The following FSIP2 variants were observed in gnomAD, a reference collection of about 807,000 sequenced individuals.
FSIP2 encodes fibrous sheath interacting protein 2, also known as fibrous sheath-interacting protein 2.
FSIP2 carries 367 observed loss-of-function variants against 510.5 expected under a neutral mutation model. That is an observed-to-expected ratio of 0.72 (90% CI 0.66 to 0.78). The LOEUF is 0.78. Ranked by LOEUF, FSIP2 falls within the 30% of genes least tolerant of loss-of-function variation. The pLI is 0.00. For missense variants in FSIP2, 7,594 were observed against 7,901.7 expected, an observed-to-expected ratio of 0.96 and a Z score of 1.48; for synonymous variants, 2,601 against 2,732.2, an observed-to-expected ratio of 0.95 and a Z score of 1.50.
chr2:185,786,103 G>A lies in FSIP2; in HGVS notation c.1470-149G>A, dbSNP rs1692966921. On this transcript the variant is annotated intron_variant, in intron 14 of 22. Coordinates refer to ENST00000424728, the MANE Select transcript of FSIP2 (RefSeq NM_173651.4). ...TCTAAGGAGGAAGTGAAATAGGGGG[G>A]TTGGAAAAAACAGTGTATTCTTCAT... 6.9e-6 allele frequency: 4 copies of A among 581,536 alleles called. No individual in the cohort carries two copies. In the East Asian group the frequency reaches 1.1e-4, roughly 16 times the overall value. 36.0% of individuals were successfully genotyped at this position (581,536 alleles called of 1,614,324 possible). A position where few individuals can be genotyped will look rare whatever the true frequency, so the allele number is the denominator to read the frequency against.
rs749817528 is a variant in FSIP2 at position 185,791,501 on chromosome 2, G to A, written c.4365G>A (p.Gln1455=). The change falls in exon 16 of 23, where the codon CAG becomes CAA. Residue 1455 remains glutamine (Q), a synonymous_variant. Coordinates refer to ENST00000424728, the MANE Select transcript of FSIP2 (RefSeq NM_173651.4). ...TCCTGGGGACCCATCTTCATTCTCA[G>A]CTATCTTGTAGTCAACAAAGCAGAG... The part of the protein sequence containing the change: ...SKLLGTHLHS[Q]LSCSQQSREM... The A allele has an allele frequency of 5.9e-6, 9 of 1,534,358 alleles. No individual in the cohort carries two copies. The highest frequency in any genetic ancestry group is 7.9e-6 in the Non-Finnish European group (9 of 1,145,686).
rs1409840406 is a variant in FSIP2, at chr2:185,746,772, A to C, written c.721A>C (p.Thr241Pro). Residue 241 changes from threonine (T) to proline (P), a missense_variant, in exon 6 of 23, where the codon ACA becomes CCA. Thr to Pro is a conservative substitution (Grantham distance 38). Coordinates refer to ENST00000424728, the MANE Select transcript of FSIP2 (RefSeq NM_173651.4). ...DREERRQREH[T>P]RRKLTLRRKI... ...AGAAGAAAGACGACAGCGGGAACAC[A>C]CAAGAAGAAAACTTACTCTTCGTAG... is the stretch of plus-strand genomic sequence containing the variant. 6.5e-7 allele frequency: 1 copy of C among 1,528,272 alleles called. No individual in the cohort carries two copies. Among genetic ancestry groups the C allele is most frequent in the East Asian group, 2.4e-5 (1 of 40,872 alleles). The allele number at this position is 1,528,272 out of a possible 1,614,324, so 94.7% of individuals were successfully genotyped here.
In FSIP2 at chr2:185,808,797, TAATGTGATTCCTGAATTAGAGC is replaced by T; in HGVS notation, c.19494_19515del (p.Asn6498LysfsTer4). On this transcript the variant is annotated frameshift_variant, in exon 17 of 23. Coordinates refer to ENST00000424728, the MANE Select transcript of FSIP2 (RefSeq NM_173651.4). LOFTEE classifies it high-confidence loss of function. ...TTCAAAAGGCCCAAGAACATGCTTTTAATGTGATTCCTGAATTAGAGCAAGAAAAGTTAGATCAAAATTTATC... is the reference window on the plus strand; with the variant it reads ...TTCAAAAGGCCCAAGAACATGCTTTTAAGAAAAGTTAGATCAAAATTTATC... 1 of 1,612,810 alleles carries T rather than the reference TAATGTGATTCCTGAATTAGAGC, an allele frequency of 6.2e-7. No homozygotes were observed.
chr2:185,801,886 A>G lies in FSIP2; in HGVS notation c.12580A>G (p.Ile4194Val). 1 of 1,493,902 alleles carries G rather than the reference A, an allele frequency of 6.7e-7. No individual in the cohort carries two copies. The highest frequency in any genetic ancestry group is 8.9e-7 in the Non-Finnish European group (1 of 1,121,454). The allele number at this position is 1,493,902 out of a possible 1,614,324, so 92.5% of individuals were successfully genotyped here. Residue 4194 changes from isoleucine to valine, a missense_variant, in exon 17 of 23, where the codon ATC becomes GTC. Ile to Val is a conservative substitution (Grantham distance 29, BLOSUM62 3). Coordinates refer to ENST00000424728, the MANE Select transcript of FSIP2 (RefSeq NM_173651.4). ...TATGTCAGCCATTTCAAAACATAAA[A>G]TCTGGTTCACTATATATGATAATCA... ...KVMSAISKHK[I>V]WFTIYDNQYL...
chr2:185,813,877 G>T lies in FSIP2; in HGVS notation c.20160G>T (p.Gln6720His). The T allele has an allele frequency of 6.2e-7, 1 of 1,613,732 alleles. No homozygotes were observed. The highest frequency in any genetic ancestry group is 1.1e-5 in the South Asian group (1 of 91,064). ...KKFLSLSKCC[Q>H]TTASANIEST... ...TTTTGTCACTAAGTAAATGTTGTCAGACCACAGCCAGTGCAAATATTGAAA... is the reference window on the plus strand; with the variant it reads ...TTTTGTCACTAAGTAAATGTTGTCATACCACAGCCAGTGCAAATATTGAAA... The change falls in exon 18 of 23, where the codon CAG becomes CAT. Residue 6720 changes from glutamine (Q) to histidine (H), a missense_variant. Coordinates refer to ENST00000424728, the MANE Select transcript of FSIP2 (RefSeq NM_173651.4).
In FSIP2 at chr2:185,790,048, A is replaced by C. The variant is rs1435012502; in HGVS notation, c.2912A>C (p.Lys971Thr). 5 of 1,533,458 alleles carry C rather than the reference A, an allele frequency of 3.3e-6. No homozygotes were observed. The highest frequency in any genetic ancestry group is 4.4e-6 in the Non-Finnish European group (5 of 1,145,358). The allele number at this position is 1,533,458 out of a possible 1,614,324, so 95.0% of individuals were successfully genotyped here. A position where few individuals can be genotyped will look rare whatever the true frequency, so the allele number is the denominator to read the frequency against. The change falls in exon 16 of 23, where the codon AAG becomes ACG. Residue 971 changes from lysine to threonine, a missense_variant. By Grantham distance (78) the Lys-to-Thr change is moderately conservative (BLOSUM62 -1). Transcript: ENST00000424728. ...RISSPSDTKE[K>T]YRLTGTRLSN... ...AGTAGTCCTTCTGACACCAAAGAAA[A>C]GTACAGACTCACTGGCACTAGATTA...
chr2:185,801,845 G>A lies in FSIP2; in HGVS notation c.12539G>A (p.Cys4180Tyr). 3 of 1,485,222 alleles carry A rather than the reference G, an allele frequency of 2.0e-6. No individual in the cohort carries two copies. The highest frequency in any genetic ancestry group is 2.7e-6 in the Non-Finnish European group (3 of 1,120,724). The allele number at this position is 1,485,222 out of a possible 1,614,324, so 92.0% of individuals were successfully genotyped here. A position where few individuals can be genotyped will look rare whatever the true frequency, so the allele number is the denominator to read the frequency against. The change falls in exon 17 of 23, where the codon TGT (cysteine) becomes TAT (tyrosine). Residue 4180 changes from cysteine (C) to tyrosine (Y), a missense_variant. Cys to Tyr is a radical substitution (Grantham distance 194). Coordinates refer to ENST00000424728, the MANE Select transcript of FSIP2 (RefSeq NM_173651.4). ...TCTGATTTTAATGAAATGTCCACTT[G>A]TATAATAAATAAGGTTATGTCAGCC... Reference protein sequence around the residue: ...MSSDFNEMSTCIINKVMSAIS... With the variant: ...MSSDFNEMSTYIINKVMSAIS...
intron 13 of FSIP2, among the ~76,000 whole-genome samples, chr2:185,768,028 CTTG>C (rs1314597734): frequency 2.6e-5 from 4 of 152,014 alleles, no homozygotes; most frequent in Admixed American, 1.3e-4. Context: ...CTTGCCAATA[CTTG>C]TTGTCTTTTA....
chr2:185,743,174 T>TTGTC lies in FSIP2; in HGVS notation c.268_271dup (p.Arg91LeufsTer9). The TTGTC allele has an allele frequency of 6.5e-7, 1 of 1,527,632 alleles. No homozygotes were observed. The highest frequency in any genetic ancestry group is 8.7e-7 in the Non-Finnish European group (1 of 1,143,870). 94.6% of individuals were successfully genotyped at this position (1,527,632 alleles called of 1,614,324 possible). On this transcript the variant is annotated frameshift_variant, in exon 3 of 23. Transcript: ENST00000424728. LOFTEE classifies it high-confidence loss of function. ...ATGGTTTTAACCTGACTGATCCCTA[T>TTGTC]TGTCGACTTTTGGAAAACCAATATA...
intron 13 of FSIP2, among the ~76,000 whole-genome samples, chr2:185,774,164 C>G (rs1692669278): frequency 1.3e-5 from 2 of 152,038 alleles, no homozygotes; most frequent in African/African-American, 4.8e-5. Flanking sequence ...AAGAAGTTGT[C>G]ATTTGCCTGG....
Position 185,764,554 on chromosome 2 carries a change from T to C in FSIP2, c.1400T>C (p.Leu467Pro). 2 of 1,525,476 alleles carry C rather than the reference T, an allele frequency of 1.3e-6. No individual in the cohort carries two copies. The highest frequency in any genetic ancestry group is 1.8e-6 in the Non-Finnish European group (2 of 1,138,220). 94.5% of individuals were successfully genotyped at this position (1,525,476 alleles called of 1,614,324 possible). The stretch of plus-strand genomic sequence containing the variant: ...AGACCAACCAAGAGATCAAGCTATC[T>C]CTGCGAATCAGGTAAATATCAGCAG... ...DGRPTKRSSYLCESGPQAHAT... is the reference protein window; with the variant it reads ...DGRPTKRSSYPCESGPQAHAT... The change falls in exon 13 of 23, where the codon CTC becomes CCC. Residue 467 changes from leucine (L) to proline (P), a missense_variant. Transcript: ENST00000424728.
intron 17 of FSIP2, among the ~76,000 whole-genome samples, chr2:185,809,600 C>T (rs1419397302): frequency 1.3e-5 from 2 of 152,010 alleles, no homozygotes; most frequent in Non-Finnish European, 2.9e-5. Context: ...CAGAGTAATA[C>T]TCATTTCCTT....
chr2:185,791,580 T>G lies in FSIP2; in HGVS notation c.4444T>G (p.Leu1482Val). 6.5e-7 allele frequency: 1 copy of G among 1,534,266 alleles called. No homozygotes were observed. Among genetic ancestry groups the G allele is most frequent in the Non-Finnish European group, 8.7e-7 (1 of 1,145,566 alleles). ...TGCTGCATTGCAGTCTAATATTCAG[T>G]TAATTTCTAAAGCAATTTTGGATTA... ...MAAALQSNIQ[L>V]ISKAILDYIL... The change falls in exon 16 of 23, where the codon TTA becomes GTA. Residue 1482 changes from leucine (L) to valine (V), a missense_variant. By Grantham distance (32) the Leu-to-Val change is conservative. Transcript: ENST00000424728.
rs183061162 is a variant in FSIP2 at position 185,791,102 on chromosome 2, T to C, written c.3966T>C (p.Ile1322=). ...LHKENLNLRE[I]DHTKSLTDKG... is the part of the protein sequence containing the mutation. The stretch of plus-strand genomic sequence containing the variant: ...AGGAAAACCTAAATCTTAGGGAGAT[T>C]GACCATACCAAATCCCTTACAGATA... Residue 1322 remains isoleucine, a synonymous_variant, in exon 16 of 23, where the codon ATT becomes ATC. Transcript: ENST00000424728. The C allele has an allele frequency of 1.3e-6, 2 of 1,531,784 alleles. No individual in the cohort carries two copies. The highest frequency in any genetic ancestry group is 4.0e-5 in the Admixed American group (2 of 50,574). 94.9% of individuals were successfully genotyped at this position (1,531,784 alleles called of 1,614,324 possible).
chr2:185,796,364 A>G lies in FSIP2; in HGVS notation c.9228A>G (p.Ser3076=), dbSNP rs1196342411. The part of the protein sequence containing the change: ...NILLRVHSFH[S]QLLTYAVNII... ...TTCTACGGGTTCATTCATTCCATTCACAATTACTTACATATGCTGTTAATA... is the reference window on the plus strand; with the variant it reads ...TTCTACGGGTTCATTCATTCCATTCGCAATTACTTACATATGCTGTTAATA... Residue 3076 remains serine, a synonymous_variant, in exon 16 of 23, where the codon TCA becomes TCG. Transcript: ENST00000424728. 1 of 1,533,882 alleles carries G rather than the reference A, an allele frequency of 6.5e-7. No individual in the cohort carries two copies. Among genetic ancestry groups the G allele is most frequent in the Non-Finnish European group, 8.7e-7 (1 of 1,145,308 alleles).
chr2:185,750,324 C>A (rs540527939), intron 7 of FSIP2, among the ~76,000 whole-genome samples: 2 of 151,664 alleles, frequency 1.3e-5, no homozygotes, highest in Admixed American at 6.6e-5. Context: ...CATACCTATT[C>A]AAAACATTCT....
Position 185,790,437 on chromosome 2 carries a change from C to A in FSIP2, c.3301C>A (p.Gln1101Lys). ...AACTTTCAGCCAAGATCAAAAGCAT[C>A]AAATAGAAAAGGCTTCAGAAAACAT... The part of the protein sequence containing the change: ...ISTFSQDQKH[Q>K]IEKASENIVT... Residue 1101 changes from glutamine to lysine, a missense_variant, in exon 16 of 23, where the codon CAA (glutamine) becomes AAA (lysine). Gln to Lys is a moderately conservative substitution (Grantham distance 53). Coordinates refer to ENST00000424728, the MANE Select transcript of FSIP2 (RefSeq NM_173651.4). 5.2e-6 allele frequency: 8 copies of A among 1,532,898 alleles called. No homozygotes were observed. In the South Asian group the frequency reaches 7.2e-5, roughly 14 times the overall value. The allele number at this position is 1,532,898 out of a possible 1,614,324, so 95.0% of individuals were successfully genotyped here.
At chr2:185,832,920 G>A (rs558341158) in intron 22 of FSIP2, among the ~76,000 whole-genome samples, 170 bp from the exon 23 acceptor site, 23 of 152,014 alleles carry the variant, frequency 1.5e-4, no homozygotes, top group African/African-American at 5.1e-4. Flanking sequence ...CTTTGTATAC[G>A]TGACTAAAGA....
Position 185,831,873 on chromosome 2 carries a change from G to GTCATT in FSIP2, c.20582_20586dup (p.Glu6863PhefsTer17). On this transcript the variant is annotated frameshift_variant, in exon 22 of 23. Coordinates refer to ENST00000424728, the MANE Select transcript of FSIP2 (RefSeq NM_173651.4). LOFTEE classifies it low-confidence loss of function (END_TRUNC). Reference sequence around the variant, plus strand: ...TGGCAGTGCAAATCCCTCAAAGGAAGTCATTTCAGGTACAAAATGTACTAT... The same window carrying GTCATT: ...TGGCAGTGCAAATCCCTCAAAGGAAGTCATTTCATTTCAGGTACAAAATGTACTAT... The GTCATT allele has an allele frequency of 6.3e-7, 1 of 1,589,190 alleles. No homozygotes were observed. The highest frequency in any genetic ancestry group is 8.6e-7 in the Non-Finnish European group (1 of 1,158,276).
Sources: allele counts gnomAD v4.1 joint callset (sites outside exome capture counted in the v4.1 genomes callset), GRCh38; gene constraint gnomAD v4.1.1; transcripts MANE v1.5; gene names NCBI Gene and HGNC (gene_info 2026-07-23, HGNC 2026-07-21).